The following GSN variants were observed in gnomAD, a reference collection of about 807,000 sequenced individuals.
The protein encoded by GSN is actin-depolymerizing factor.
In GSN, 56 loss-of-function variants were observed where a neutral mutation model predicts 85.7. The observed-to-expected ratio is 0.65, with a 90% CI of 0.53 to 0.82. The LOEUF (loss-of-function observed/expected upper bound fraction) is 0.82. Among genes scored for constraint, GSN ranks in the 40% least tolerant of loss-of-function variants. The pLI is 0.00. For missense variants in GSN, 857 were observed against 979.8 expected, an observed-to-expected ratio of 0.87 and a Z score of 1.67; for synonymous variants, 373 against 399.1, an observed-to-expected ratio of 0.93 and a Z score of 0.78.
rs1436697135 is a variant in GSN, at chr9:121,302,142, G to A, written c.171G>A (p.Leu57=). The change falls in exon 3 of 18, where the codon CTG becomes CTA. Residue 57 remains leucine, a synonymous_variant. Coordinates refer to ENST00000432226, the MANE Select transcript of GSN (RefSeq NM_198252.3). ...CAGTGCAGCTGAGGAACGGAAATCT[G>A]CAGTATGACCTCCACTACTGGCTGG... ...LKTVQLRNGN[L]QYDLHYWLGN... 1 of 1,614,024 alleles carries A rather than the reference G, an allele frequency of 6.2e-7. No individual in the cohort carries two copies. The highest frequency in any genetic ancestry group is 1.3e-5 in the African/African-American group (1 of 74,932).
chr9:121,299,908 T>G lies in GSN; in HGVS notation c.-9-2055T>G. 7.9e-7 allele frequency: 1 copy of G among 1,273,592 alleles called. No homozygotes were observed. The highest frequency in any genetic ancestry group is 9.9e-7 in the Non-Finnish European group (1 of 1,007,248). The allele number at this position is 1,273,592 out of a possible 1,614,324, so 78.9% of individuals were successfully genotyped here. A position where few individuals can be genotyped will look rare whatever the true frequency, so the allele number is the denominator to read the frequency against. ...CCCGCGCTGCTTTGCGCGCTGTCCC[T>G]GGCGCTGTGCGCGCTGTCGCTGCCC... On this transcript the variant is annotated intron_variant, in intron 2 of 17. Transcript: ENST00000432226. This position sits in a 1 kb window ranked among gnomAD's most constrained non-coding sequence, Gnocchi z 4.2.
intron 12 of GSN, among the ~76,000 whole-genome samples, chr9:121,325,377 A>G (rs1434673669): frequency 1.3e-5 from 2 of 152,116 alleles, no homozygotes; most frequent in African/African-American, 2.4e-5. Flanking sequence ...GGTGGTACAC[A>G]TGCAAAGGCC....
rs1014931689 is a variant in GSN at position 121,244,233 on chromosome 9, C to A, written c.-388-4043C>A. Among the ~76,000 whole-genome samples, 8 of 152,324 alleles carry A rather than the reference C, an allele frequency of 5.3e-5. No individual in the cohort carries two copies. In the East Asian group the frequency reaches 1.5e-3, roughly 29 times the overall value. On this transcript the variant is annotated intron_variant, in intron 5 of 24. Transcript: ENST00000373823. The stretch of plus-strand genomic sequence containing the variant: ...TTAAATAGATGTATCACAATGTATT[C>A]ATCAGATGAAAGAAACTTGAATTGC...
At position 121,329,606 on chromosome 9, in the gene GSN, C is replaced by T. The variant is rs961139485; in HGVS notation, c.1965+291C>T. On this transcript the variant is annotated intron_variant, in intron 16 of 17. Transcript: ENST00000432226. This position sits in a 1 kb window ranked among gnomAD's most constrained non-coding sequence, Gnocchi z 4.6. ...CATTCTCTCCCAGACCTTGCAGGAG[C>T]GTGAACTCTTCCTTTAAATCTGTTG... is the stretch of plus-strand genomic sequence containing the variant. 2.6e-5 allele frequency among the ~76,000 whole-genome samples: 4 copies of T among 152,166 alleles called. No individual in the cohort carries two copies. Among genetic ancestry groups the T allele is most frequent in the Non-Finnish European group, 5.9e-5 (4 of 68,032 alleles).
At chr9:121,263,132 G>A (rs1214918225), upstream of GSN, among the ~76,000 whole-genome samples, 58 of 152,206 alleles carry the variant, frequency 3.8e-4, 1 homozygote, top group Admixed American at 3.7e-3. Flanking sequence ...AATGTTAAAC[G>A]AAAGGCTCTT....
upstream of GSN, among the ~76,000 whole-genome samples, chr9:121,267,212 A>C (rs2132300989): frequency 6.6e-6 from 1 of 152,352 alleles, no homozygotes; most frequent in Non-Finnish European, 1.5e-5. Flanking sequence ...GACTGCTGGG[A>C]GGCCGTCTTA....
chr9:121,303,018 G>A lies in GSN; in HGVS notation c.304G>A (p.Glu102Lys), dbSNP rs895304313. Reference protein sequence around the residue: ...AVQHREVQGFESATFLGYFKS... With the variant: ...AVQHREVQGFKSATFLGYFKS... ...GCAGCACCGTGAGGTCCAGGGCTTC[G>A]AGTCGGCCACCTTCCTAGGCTACTT... Residue 102 changes from glutamate to lysine, a missense_variant, in exon 4 of 18, where the codon GAG (glutamate) becomes AAG (lysine). By Grantham distance (56) the Glu-to-Lys change is moderately conservative. Coordinates refer to ENST00000432226, the MANE Select transcript of GSN (RefSeq NM_198252.3). The A allele has an allele frequency of 6.2e-7, 1 of 1,613,940 alleles. No individual in the cohort carries two copies. The highest frequency in any genetic ancestry group is 8.5e-7 in the Non-Finnish European group (1 of 1,180,020).
Position 121,332,699 on chromosome 9 carries a change from A to AGTGTGTGTGT in GSN, c.*107_*116dup. ...GAGCGAGCAGAGCAGCTCTGCTATG[A>AGTGTGTGTGT]GTGTGTGTGTGTGTGTGTGTTGTTT... On this transcript the variant is annotated 3_prime_UTR_variant, in exon 18 of 18. Coordinates refer to ENST00000432226, the MANE Select transcript of GSN (RefSeq NM_198252.3). The surrounding 1 kb of genome is among the most constrained non-coding windows in gnomAD (Gnocchi z 4.8). 1.4e-6 allele frequency: 1 copy of AGTGTGTGTGT among 707,142 alleles called. No homozygotes were observed. Among genetic ancestry groups the AGTGTGTGTGT allele is most frequent in the Non-Finnish European group, 2.3e-6 (1 of 430,214 alleles). 43.8% of individuals were successfully genotyped at this position (707,142 alleles called of 1,614,324 possible). A position where few individuals can be genotyped will look rare whatever the true frequency, so the allele number is the denominator to read the frequency against.
chr9:121,223,937 G>A (rs560388308), intron 4 of GSN, among the ~76,000 whole-genome samples: 4 of 152,114 alleles, frequency 2.6e-5, no homozygotes, highest in African/African-American at 9.6e-5. Flanking sequence ...GGAATTACAA[G>A]CATGACCAAC....
At chr9:121,317,324 G>A (rs2061836746) in intron 8 of GSN, 106 bp downstream of exon 8, 5 of 1,246,484 alleles carry the variant, frequency 4.0e-6, no homozygotes. Context: ...TGTGCCTGGT[G>A]CAATGGAAAT....
chr9:121,303,065 G>A lies in GSN; in HGVS notation c.351G>A (p.Lys117=), dbSNP rs756743284. 6 of 1,613,170 alleles carry A rather than the reference G, an allele frequency of 3.7e-6. No homozygotes were observed. In the East Asian group the frequency reaches 1.1e-4, roughly 30 times the overall value. Residue 117 remains lysine, a splice_region_variant and synonymous_variant, in exon 4 of 18, where the codon AAG becomes AAA. Transcript: ENST00000432226. Reference sequence around the variant, plus strand: ...ACTTCAAGTCTGGCCTGAAGTACAAGGTGGGTTGGGCCCCACCTTGCTTGA... The same window carrying A: ...ACTTCAAGTCTGGCCTGAAGTACAAAGTGGGTTGGGCCCCACCTTGCTTGA... ...LGYFKSGLKY[K]KGGVASGFKH... is the part of the protein sequence containing the mutation.
At chr9:121,313,399 G>A (rs1293351730) in intron 6 of GSN, 1 of 203,630 alleles carries the variant, frequency 4.9e-6, no homozygotes, top group Admixed American at 5.3e-5. Flanking sequence ...ATTATTATGG[G>A]AAGGGACCTG....
Position 121,329,094 on chromosome 9 carries a change from G to A in GSN, c.1887+79G>A, listed in dbSNP as rs2063594119. The A allele has an allele frequency of 2.5e-6, 4 of 1,580,236 alleles. No homozygotes were observed. The highest frequency in any genetic ancestry group is 2.3e-5 in the East Asian group (1 of 44,280). ...CAGGACTGGCCGGCAGCAGGGGCAG[G>A]AGAAACAGTTCTGATGGTGTGGCAC... On this transcript the variant is annotated intron_variant, in intron 15 of 17. Transcript: ENST00000432226. The surrounding 1 kb of genome is among the most constrained non-coding windows in gnomAD (Gnocchi z 4.6).
In GSN at chr9:121,332,467, G is replaced by A. The variant is rs770023727; in HGVS notation, c.2060G>A (p.Arg687Gln). The A allele has an allele frequency of 1.5e-5, 25 of 1,614,000 alleles. No homozygotes were observed. Among genetic ancestry groups the A allele is most frequent in the African/African-American group, 2.7e-5 (2 of 74,918 alleles). ...TACATCGAGACGGACCCAGCCAATC[G>A]GGATCGGCGGACGCCCATCACCGTG... The part of the protein sequence containing the change: ...KRYIETDPAN[R>Q]DRRTPITVVK... Residue 687 changes from arginine (R) to glutamine (Q), a missense_variant, in exon 18 of 18, where the codon CGG becomes CAG. Coordinates refer to ENST00000432226, the MANE Select transcript of GSN (RefSeq NM_198252.3). The surrounding 1 kb of genome is among the most constrained non-coding windows in gnomAD (Gnocchi z 4.8).
At chr9:121,239,884 G>A (rs187695287) in intron 5 of GSN, 19 of 185,406 alleles carry the variant, frequency 1.0e-4, no homozygotes, top group South Asian at 3.5e-4. Context: ...CAATATCAGC[G>A]TCTATGGGAA....
rs184077614 is a variant in GSN, at chr9:121,311,169, G to A, written c.513+324G>A. Reference sequence around the variant, plus strand: ...CTCTGGGCTTTTGCCCACCAGGTGTGCACATGTGCACCATCATGAATGCCC... The same window carrying A: ...CTCTGGGCTTTTGCCCACCAGGTGTACACATGTGCACCATCATGAATGCCC... On this transcript the variant is annotated intron_variant, in intron 5 of 17. Transcript: ENST00000432226. 7.7e-4 allele frequency: 306 copies of A among 399,708 alleles called. 6 individuals are homozygous for A. The highest frequency in any genetic ancestry group is 4.7e-3 in the Middle Eastern group (6 of 1,280). The allele number at this position is 399,708 out of a possible 1,614,324, so 24.8% of individuals were successfully genotyped here.
chr9:121,274,390 T>C (rs1000756580), intron 1 of GSN, among the ~76,000 whole-genome samples: 4 of 152,222 alleles, frequency 2.6e-5, no homozygotes, highest in African/African-American at 9.6e-5. Context: ...TAAACAATAC[T>C]GCAATGAACA....
At chr9:121,242,503 C>T (rs2054624471) in intron 5 of GSN, among the ~76,000 whole-genome samples, 1 of 152,132 alleles carries the variant, frequency 6.6e-6, no homozygotes, top group Admixed American at 6.5e-5. Context: ...CAGGGGAAAG[C>T]CATGGCCTGG....
chr9:121,331,257 T>C, intron 16 of GSN, 131 bp from the exon 17 acceptor site: 1 of 689,706 alleles, frequency 1.4e-6, no homozygotes. Context: ...CCTTCCAGTC[T>C]TAGTTCATGG....
Sources: allele counts gnomAD v4.1 joint callset (sites outside exome capture counted in the v4.1 genomes callset), GRCh38; gene constraint gnomAD v4.1.1; non-coding constraint Gnocchi (gnomAD v3.1); transcripts MANE v1.5; gene names NCBI Gene and HGNC (gene_info 2026-07-23, HGNC 2026-07-21).